The following KHDRBS3 variants were observed in gnomAD, a reference collection of about 807,000 sequenced individuals.
KHDRBS3 encodes KH domain-containing, RNA-binding, signal transduction-associated protein 3.
KHDRBS3 carries 23 observed loss-of-function variants against 45.6 expected under a neutral mutation model. The ratio of observed to expected loss-of-function variants is 0.50; its 90% CI spans 0.36 to 0.72. The LOEUF (loss-of-function observed/expected upper bound fraction) is 0.72. Among genes scored for constraint, KHDRBS3 ranks in the 30% least tolerant of loss-of-function variants. The pLI, the probability that KHDRBS3 is intolerant of heterozygous loss-of-function variation, is 0.00. For missense variants in KHDRBS3, 352 were observed against 424.8 expected (o/e 0.83, Z 1.51); for synonymous variants, 162 against 156.5 (o/e 1.04, Z -0.26).
intron 4 of KHDRBS3, among the ~76,000 whole-genome samples, chr8:135,551,353 C>G (rs987401900): frequency 1.3e-5 from 2 of 152,210 alleles, no homozygotes; most frequent in South Asian, 4.1e-4. Context: ...GGAAAGCATT[C>G]AGTCTTTCAC....
At chr8:135,639,887 C>T (rs1830988032) in intron 7 of KHDRBS3, among the ~76,000 whole-genome samples, 1 of 152,230 alleles carries the variant, frequency 6.6e-6, no homozygotes, top group Non-Finnish European at 1.5e-5. Flanking sequence ...CAGGCCCCAC[C>T]TCCAACACGG....
chr8:135,585,069 A>AC (rs1362339862), intron 6 of KHDRBS3, among the ~76,000 whole-genome samples: 1 of 151,380 alleles, frequency 6.6e-6, no homozygotes. Flanking sequence ...CAAAAAAAAA[A>AC]AATACAAAAA....
chr8:135,632,992 C>G (rs750950866), intron 7 of KHDRBS3, among the ~76,000 whole-genome samples: 1 of 152,182 alleles, frequency 6.6e-6, no homozygotes, highest in South Asian at 2.1e-4. Flanking sequence ...AGAGAGAGTT[C>G]TCTGACTAAA....
At chr8:135,601,095 C>T (rs1372892386) in intron 6 of KHDRBS3, among the ~76,000 whole-genome samples, 1 of 152,186 alleles carries the variant, frequency 6.6e-6, no homozygotes, top group East Asian at 1.9e-4. Context: ...TCTGGAGATA[C>T]ATGAACCAGC....
chr8:135,474,317 C>T (rs73712037), intron 1 of KHDRBS3, among the ~76,000 whole-genome samples: 13,621 of 152,248 alleles, frequency 0.089, 1,039 homozygotes, highest in African/African-American at 0.21. Flanking sequence ...CCAATATTCA[C>T]AAGAGATTTC....
At chr8:135,579,717 CTATT>C (rs1372840865) in intron 5 of KHDRBS3, among the ~76,000 whole-genome samples, 1 of 152,138 alleles carries the variant, frequency 6.6e-6, no homozygotes, top group Non-Finnish European at 1.5e-5. Flanking sequence ...TTTTTCTGCT[CTATT>C]TATATGATCA....
At chr8:135,575,232 G>A (rs979547928) in intron 5 of KHDRBS3, among the ~76,000 whole-genome samples, 4 of 152,100 alleles carry the variant, frequency 2.6e-5, no homozygotes, top group African/African-American at 4.8e-5. Flanking sequence ...GTTCAACTGC[G>A]AATACCAAAT....
At chr8:135,535,011 G>A (rs758647893) in intron 2 of KHDRBS3, among the ~76,000 whole-genome samples, 12 of 152,026 alleles carry the variant, frequency 7.9e-5, no homozygotes, top group African/African-American at 2.4e-4. Flanking sequence ...CAACAGTGCC[G>A]AAGTTGCTGA....
chr8:135,482,552 A>G lies in KHDRBS3; in HGVS notation c.88+24598A>G, dbSNP rs188448923. Among the ~76,000 whole-genome samples the G allele has an allele frequency of 1.8e-3, 272 of 152,226 alleles. 4 individuals carry two copies. The highest frequency in any genetic ancestry group is 6.3e-3 in the African/African-American group (260 of 41,540). Reference sequence around the variant, plus strand: ...TGTCCTTATGCTTCTGCAGACCCAAATGTACCTACGTGTCATCTTTTTTTC... The same window carrying G: ...TGTCCTTATGCTTCTGCAGACCCAAGTGTACCTACGTGTCATCTTTTTTTC... On this transcript the variant is annotated intron_variant, in intron 1 of 8. Transcript: ENST00000355849.
At chr8:135,618,920 G>T (rs1015549997) in intron 7 of KHDRBS3, among the ~76,000 whole-genome samples, 1 of 152,188 alleles carries the variant, frequency 6.6e-6, no homozygotes, top group African/African-American at 2.4e-5. Context: ...TTTTGCTGGT[G>T]CTCTGTAAGT....
intron 1 of KHDRBS3, among the ~76,000 whole-genome samples, chr8:135,509,974 CTTT>C (rs1237666093): frequency 1.1e-4 from 13 of 122,902 alleles, no homozygotes; most frequent in Admixed American, 1.7e-4. Flanking sequence ...TTCCCCCCCC[CTTT>C]TTTTTTTTTT....
rs1160068000 is a variant in KHDRBS3, at chr8:135,536,984, AAAAAAAAAAAAAAGG to A, written c.208-5668_208-5654del. On this transcript the variant is annotated intron_variant, in intron 2 of 8. Transcript: ENST00000355849. ...TCCATCTCAAAAAAAAAAAAAAAAA[AAAAAAAAAAAAAAGG>A]AGATGTTTAGGAGGTAAAATCATTA... Among the ~76,000 whole-genome samples the A allele has an allele frequency of 3.3e-3, 174 of 52,886 alleles. 19 individuals carry two copies. Among genetic ancestry groups the A allele is most frequent in the East Asian group, 0.014 (5 of 350 alleles). 34.7% of individuals were successfully genotyped at this position (52,886 alleles called of 152,430 possible). A position where few individuals can be genotyped will look rare whatever the true frequency, so the allele number is the denominator to read the frequency against.
At chr8:135,542,631 AT>A in intron 2 of KHDRBS3, 22 bp from the exon 3 acceptor site, 1 of 1,466,558 alleles carries the variant, frequency 6.8e-7, no homozygotes, top group Non-Finnish European at 9.6e-7. Flanking sequence ...AATGCTACAA[AT>A]TTGGTTGTTT....
chr8:135,528,250 T>G (rs939994806), intron 2 of KHDRBS3, among the ~76,000 whole-genome samples: 3 of 152,212 alleles, frequency 2.0e-5, no homozygotes, highest in African/African-American at 7.2e-5. Flanking sequence ...GTCAAGGATC[T>G]TTGAGAGATA....
intron 5 of KHDRBS3, among the ~76,000 whole-genome samples, chr8:135,565,719 G>A (rs1269262295): frequency 6.6e-6 from 1 of 152,120 alleles, no homozygotes; most frequent in Non-Finnish European, 1.5e-5. Flanking sequence ...CTTTCCAGCA[G>A]CTGTGGTTGC....
In KHDRBS3 at chr8:135,633,428, G is replaced by C. The variant is rs192329373; in HGVS notation, c.891-11631G>C. 2.2e-4 allele frequency among the ~76,000 whole-genome samples: 33 copies of C among 152,308 alleles called. No homozygotes were observed. The East Asian group carries it at 6.2e-3, about 29-fold the overall frequency. On this transcript the variant is annotated intron_variant, in intron 7 of 8. Coordinates refer to ENST00000355849, the MANE Select transcript of KHDRBS3 (RefSeq NM_006558.3). ...CCCCAGTTTGCATATAAATGCAAGG[G>C]TAAAATGGATAACTTTCTTCTAGAG...
At chr8:135,603,933 G>A (rs1357275979) in intron 6 of KHDRBS3, among the ~76,000 whole-genome samples, 1 of 101,418 alleles carries the variant, frequency 9.9e-6, no homozygotes, top group Non-Finnish European at 2.0e-5. Flanking sequence ...GATTTGTATT[G>A]TTGTTCAAAT....
At chr8:135,628,651 A>G (rs1830472457) in intron 7 of KHDRBS3, among the ~76,000 whole-genome samples, 1 of 152,208 alleles carries the variant, frequency 6.6e-6, no homozygotes, top group Non-Finnish European at 1.5e-5. Flanking sequence ...TTGTCTCCAC[A>G]TGCCCATCAT....
At chr8:135,560,314 G>A (rs928917665) in intron 5 of KHDRBS3, among the ~76,000 whole-genome samples, 1 of 151,994 alleles carries the variant, frequency 6.6e-6, no homozygotes, top group Admixed American at 6.5e-5. Flanking sequence ...ACAGAAAAGT[G>A]CATGTTACAA....
Sources: gnomAD v4.1 joint callset for allele counts (sites outside exome capture counted in the v4.1 genomes callset) on GRCh38, gnomAD v4.1.1 for gene constraint, MANE v1.5 for transcripts, NCBI Gene and HGNC (gene_info 2026-07-23, HGNC 2026-07-21) for gene names.